PRKAR1B: variants seen among roughly 807,000 people sequenced by gnomAD.
PRKAR1B encodes protein kinase cAMP-dependent type I regulatory subunit beta.
Under a neutral mutation model 46.5 loss-of-function variants are expected in PRKAR1B, and 22 were observed. The observed-to-expected ratio is 0.47, with a 90% CI of 0.34 to 0.68. PRKAR1B has a LOEUF of 0.68. PRKAR1B is among the 30% of genes least tolerant of loss of function. The pLI is 0.01. For synonymous variants in PRKAR1B, 259 were observed against 217.7 expected, an observed-to-expected ratio of 1.19 and a Z score of -1.67; for missense variants, 445 against 535.6, an observed-to-expected ratio of 0.83 and a Z score of 1.67.
At chr7:721,606 C>T (rs549588691) in intron 1 of PRKAR1B, among the ~76,000 whole-genome samples, 1 of 152,024 alleles carries the variant, frequency 6.6e-6, no homozygotes, top group Non-Finnish European at 1.5e-5. Flanking sequence ...TGAGATCATA[C>T]CATTGCACTC....
chr7:681,028 C>T (rs912546244), intron 2 of PRKAR1B, among the ~76,000 whole-genome samples: 7 of 152,108 alleles, frequency 4.6e-5, no homozygotes, highest in Admixed American at 1.3e-4. Flanking sequence ...CAGGTGGAGG[C>T]GACTGAATCA....
chr7:677,998 C>T (rs1014017890), intron 3 of PRKAR1B, among the ~76,000 whole-genome samples: 14 of 152,254 alleles, frequency 9.2e-5, no homozygotes, highest in South Asian at 6.2e-4. Context: ...AGGCCGGGCA[C>T]GGTGGCTCAC....
At chr7:584,779 G>T (rs1323109749) in intron 7 of PRKAR1B, among the ~76,000 whole-genome samples, 2 of 152,170 alleles carry the variant, frequency 1.3e-5, no homozygotes, top group Non-Finnish European at 2.9e-5. Flanking sequence ...GGCTTCTGGA[G>T]AAGCTCCCGG....
chr7:619,829 T>C (rs1256747444), intron 4 of PRKAR1B, among the ~76,000 whole-genome samples: 1 of 151,870 alleles, frequency 6.6e-6, no homozygotes, highest in Admixed American at 6.6e-5. Flanking sequence ...TTCCTTTTTC[T>C]TTCTGTTGTT....
At chr7:692,938 CT>C (rs1161505234) in intron 2 of PRKAR1B, among the ~76,000 whole-genome samples, 24 of 147,002 alleles carry the variant, frequency 1.6e-4, no homozygotes, top group South Asian at 4.4e-4. Flanking sequence ...GTGAGTGGGA[CT>C]TTTTTTTTTT....
chr7:685,949 A>T (rs754762790), intron 2 of PRKAR1B, among the ~76,000 whole-genome samples: 5 of 152,222 alleles, frequency 3.3e-5, no homozygotes, highest in Non-Finnish European at 7.3e-5. Context: ...CAAAAACATA[A>T]TAAAATTTTG....
intron 4 of PRKAR1B, among the ~76,000 whole-genome samples, chr7:645,123 C>T (rs906708374): frequency 1.3e-5 from 2 of 152,250 alleles, no homozygotes; most frequent in Admixed American, 6.5e-5. Flanking sequence ...ACACCCCTCG[C>T]GGAGGCCAGA....
rs1322545292 is a variant in PRKAR1B, at chr7:602,138, C to T, written c.549+4055G>A. On this transcript the variant is annotated intron_variant, in intron 6 of 10. Transcript: ENST00000537384. This position sits in a 1 kb window ranked among gnomAD's most constrained non-coding sequence, Gnocchi z 6.4. ...CTCCACTCAGGCTTCAGCCCCGACC[C>T]CACGCTAACTGGGCCAGGGCAGGGG... 6.6e-6 allele frequency among the ~76,000 whole-genome samples: 1 copy of T among 152,154 alleles called. No individual in the cohort carries two copies. The highest frequency in any genetic ancestry group is 2.4e-5 in the African/African-American group (1 of 41,446).
chr7:607,370 C>A, intron 5 of PRKAR1B, 21 bp downstream of exon 5: 1 of 1,609,202 alleles, frequency 6.2e-7, no homozygotes, highest in South Asian at 1.1e-5. Flanking sequence ...ACTTTGGCTC[C>A]GAGGAGCAGG....
intron 3 of PRKAR1B, among the ~76,000 whole-genome samples, chr7:679,654 CAAT>C (rs1481610607): frequency 1.3e-5 from 2 of 152,208 alleles, no homozygotes; most frequent in South Asian, 2.1e-4. Context: ...GATTCCACAA[CAAT>C]GAGAATGTGC....
chr7:659,706 G>A (rs182389484), intron 4 of PRKAR1B, among the ~76,000 whole-genome samples: 194 of 151,822 alleles, frequency 1.3e-3, no homozygotes, highest in African/African-American at 4.4e-3. Context: ...GGCCTTGTGA[G>A]GGCTTTTGTT....
At chr7:551,557 C>T (rs1279934124) in intron 9 of PRKAR1B, 87 bp from the exon 10 acceptor site, 30 of 1,316,106 alleles carry the variant, frequency 2.3e-5, no homozygotes, top group Non-Finnish European at 3.1e-5. Context: ...AGGGGGTCAC[C>T]ACCCAAACCC....
At chr7:685,205 CATATAT>C (rs1334429913) in intron 2 of PRKAR1B, among the ~76,000 whole-genome samples, 1 of 143,518 alleles carries the variant, frequency 7.0e-6, no homozygotes, top group Non-Finnish European at 1.5e-5. Flanking sequence ...TCTGTATATA[CATATAT>C]ATAACATGTT....
intron 1 of PRKAR1B, chr7:726,942 G>A: frequency 7.5e-7 from 1 of 1,335,940 alleles, no homozygotes; most frequent in South Asian, 1.7e-5. Flanking sequence ...GCCCCTGGGC[G>A]CGCCTACTGC....
chr7:695,285 C>T (rs1779667687), intron 2 of PRKAR1B, among the ~76,000 whole-genome samples: 1 of 152,166 alleles, frequency 6.6e-6, no homozygotes, highest in Non-Finnish European at 1.5e-5. Context: ...CAGAATGTGC[C>T]CCAGAATCGA....
chr7:571,659 G>A (rs1000638334), intron 9 of PRKAR1B, among the ~76,000 whole-genome samples: 3 of 152,338 alleles, frequency 2.0e-5, no homozygotes, highest in East Asian at 1.9e-4. Context: ...CGGGGAACCG[G>A]CTCCCGGGGT....
chr7:637,632 G>A (rs568704132), intron 4 of PRKAR1B, among the ~76,000 whole-genome samples: 43 of 152,090 alleles, frequency 2.8e-4, no homozygotes, highest in Admixed American at 1.2e-3. Context: ...TCAGGAGATC[G>A]AGACCAGCCT....
intron 7 of PRKAR1B, among the ~76,000 whole-genome samples, chr7:590,422 G>A (rs1030808683): frequency 2.6e-5 from 4 of 152,194 alleles, no homozygotes; most frequent in African/African-American, 4.8e-5. Context: ...CCACTCCAAC[G>A]TGTGGCCCTC....
At position 714,308 on chromosome 7, in the gene PRKAR1B, T is replaced by C. The variant is rs1780798307; in HGVS notation, c.-22-2781A>G. Among the ~76,000 whole-genome samples, 1 of 152,194 alleles carries C rather than the reference T, an allele frequency of 6.6e-6. No homozygotes were observed. Among genetic ancestry groups the C allele is most frequent in the Non-Finnish European group, 1.5e-5 (1 of 68,028 alleles). On this transcript the variant is annotated intron_variant, in intron 1 of 10. Transcript: ENST00000537384. This position sits in a 1 kb window ranked among gnomAD's most constrained non-coding sequence, Gnocchi z 4.3. ...AGGAGAGTGGAGGCACCTCTCTGGC[T>C]GACCTCACAGGACAGCCCTCTGATC...
Sources: gnomAD v4.1 joint callset for allele counts (sites outside exome capture counted in the v4.1 genomes callset) on GRCh38, gnomAD v4.1.1 for gene constraint, Gnocchi (gnomAD v3.1) non-coding constraint, MANE v1.5 for transcripts, NCBI Gene and HGNC (gene_info 2026-07-23, HGNC 2026-07-21) for gene names.